DAB1: variants seen among roughly 807,000 people sequenced by gnomAD.
The protein encoded by DAB1 is DAB adaptor protein 1, also known as disabled homolog 1.
A neutral mutation model predicts 64.6 loss-of-function variants in DAB1; 15 were observed. The observed-to-expected ratio is 0.23, with a 90% CI of 0.16 to 0.36. DAB1 has a LOEUF of 0.36. DAB1 is among the 10% of genes least tolerant of loss of function. The pLI is 1.00. For synonymous variants in DAB1, 235 were observed against 251.9 expected (o/e 0.93, Z 0.64); for missense variants, 596 against 706.7 (o/e 0.84, Z 1.78).
At chr1:57,439,608 T>G in intron 7 of DAB1, among the ~76,000 whole-genome samples, 1 of 129,092 alleles carries the variant, frequency 7.7e-6, no homozygotes, top group Non-Finnish European at 1.6e-5. Flanking sequence ...TTTTGTATTT[T>G]TAGTAGAGAC....
chr1:58,521,868 C>G (rs1264204315), intron 2 of DAB1, among the ~76,000 whole-genome samples: 1 of 152,134 alleles, frequency 6.6e-6, no homozygotes, highest in Non-Finnish European at 1.5e-5. Context: ...AAAAACTCTT[C>G]TGGAGAAGAG....
intron 11 of DAB1, among the ~76,000 whole-genome samples, chr1:57,016,571 A>G (rs914316708): frequency 1.3e-5 from 2 of 151,910 alleles, no homozygotes; most frequent in East Asian, 1.9e-4. Flanking sequence ...AGCCTGGGTA[A>G]TAGAGTGAGA....
chr1:57,886,252 G>A (rs888284038), upstream of DAB1, among the ~76,000 whole-genome samples: 5 of 148,316 alleles, frequency 3.4e-5, no homozygotes, highest in African/African-American at 1.0e-4. Flanking sequence ...TCCGCCTCCC[G>A]GCTTCAAGCA....
chr1:57,729,641 G>T lies in DAB1; in HGVS notation n.552-79976C>A, dbSNP rs1330512122. On this transcript the variant is annotated intron_variant and non_coding_transcript_variant, in intron 6 of 20. Coordinates refer to the DAB1 transcript ENST00000485760. ...GTGGCTCTCCAGAAGACAGAGAATGGCATGCTGGCAGGCAGGGGACAAGTA... is the reference window on the plus strand; with the variant it reads ...GTGGCTCTCCAGAAGACAGAGAATGTCATGCTGGCAGGCAGGGGACAAGTA... Among the ~76,000 whole-genome samples the T allele has an allele frequency of 2.0e-5, 3 of 152,348 alleles. No homozygotes were observed. In the East Asian group the frequency reaches 5.8e-4, roughly 29 times the overall value.
intron 2 of DAB1, among the ~76,000 whole-genome samples, chr1:57,237,022 T>A (rs1177378587): frequency 1.3e-5 from 2 of 152,380 alleles, no homozygotes; most frequent in Non-Finnish European, 2.9e-5. Flanking sequence ...GTGCTACTAC[T>A]GCTGTAGCTG....
At chr1:58,230,945 C>T (rs1361394870) in intron 4 of DAB1, among the ~76,000 whole-genome samples, 1 of 152,202 alleles carries the variant, frequency 6.6e-6, no homozygotes, top group African/African-American at 2.4e-5. Context: ...TGAATTGCAC[C>T]TCTGCCTCTT....
At chr1:58,450,018 G>A (rs964713632) in intron 3 of DAB1, among the ~76,000 whole-genome samples, 3 of 152,200 alleles carry the variant, frequency 2.0e-5, no homozygotes, top group East Asian at 3.8e-4. Flanking sequence ...ATATGTGAAT[G>A]AGTGAATGGG....
At chr1:58,057,958 A>T (rs1297059889) in intron 5 of DAB1, among the ~76,000 whole-genome samples, 1 of 147,828 alleles carries the variant, frequency 6.8e-6, no homozygotes, top group Admixed American at 6.9e-5. Flanking sequence ...TGACCATCCA[A>T]GTCTAGCTTA....
At chr1:58,241,403 C>G (rs935797590) in intron 4 of DAB1, among the ~76,000 whole-genome samples, 1 of 152,030 alleles carries the variant, frequency 6.6e-6, no homozygotes, top group African/African-American at 2.4e-5. Flanking sequence ...ACCATTTATT[C>G]TGTACCTAAA....
chr1:58,477,337 C>A (rs577718578), intron 3 of DAB1, among the ~76,000 whole-genome samples: 75 of 152,314 alleles, frequency 4.9e-4, no homozygotes, highest in African/African-American at 1.8e-3. Flanking sequence ...GATTAAATGT[C>A]ATTTCAGATA....
intron 5 of DAB1, among the ~76,000 whole-genome samples, chr1:58,113,703 G>C (rs1652128384): frequency 6.6e-6 from 1 of 152,116 alleles, no homozygotes; most frequent in Admixed American, 6.6e-5. Context: ...TCAAATAGGG[G>C]CAGATTTGAT....
chr1:58,222,024 T>G (rs933838964), intron 4 of DAB1, among the ~76,000 whole-genome samples: 6 of 152,198 alleles, frequency 3.9e-5, no homozygotes, highest in Admixed American at 3.3e-4. Flanking sequence ...AACCAAGTAT[T>G]TAATCCATTA....
chr1:57,122,374 T>C (rs541256644), intron 4 of DAB1, among the ~76,000 whole-genome samples: 52 of 152,196 alleles, frequency 3.4e-4, no homozygotes, highest in Non-Finnish European at 6.8e-4. Context: ...TTCAAGGTGC[T>C]GATGGGAGCT....
chr1:57,990,418 A>T (rs575239325), intron 5 of DAB1, among the ~76,000 whole-genome samples: 157 of 152,288 alleles, frequency 1.0e-3, no homozygotes, highest in African/African-American at 3.6e-3. Context: ...ACATACCAAC[A>T]TCCATTTGTT....
intron 4 of DAB1, among the ~76,000 whole-genome samples, chr1:58,179,216 A>T (rs1161961034): frequency 6.6e-6 from 1 of 151,786 alleles, no homozygotes; most frequent in South Asian, 2.1e-4. Flanking sequence ...CTTTATCTAT[A>T]TGTTTCTGAA....
chr1:57,047,680 C>T (rs778296968), intron 9 of DAB1, among the ~76,000 whole-genome samples: 1 of 152,166 alleles, frequency 6.6e-6, no homozygotes, highest in Non-Finnish European at 1.5e-5. Context: ...TAAACCACCT[C>T]GTCTGTGGTA....
At chr1:58,369,018 A>G (rs750138439) in intron 3 of DAB1, among the ~76,000 whole-genome samples, 16 of 152,176 alleles carry the variant, frequency 1.1e-4, no homozygotes, top group Admixed American at 2.0e-4. Context: ...GTCTCAAAAA[A>G]AAAGTAGCCT....
intron 7 of DAB1, among the ~76,000 whole-genome samples, chr1:57,565,030 C>T (rs1049136475): frequency 5.9e-5 from 9 of 152,132 alleles, no homozygotes; most frequent in East Asian, 1.9e-4. Context: ...AGAGAAAGGT[C>T]GGGTTACCCA....
chr1:58,052,525 C>T (rs1323747972), intron 5 of DAB1, among the ~76,000 whole-genome samples: 1 of 152,088 alleles, frequency 6.6e-6, no homozygotes, highest in African/African-American at 2.4e-5. Flanking sequence ...CTTGGCAATG[C>T]AGGCTCTTTT....
Sources: allele counts gnomAD v4.1 joint callset (sites outside exome capture counted in the v4.1 genomes callset), GRCh38; gene constraint gnomAD v4.1.1; transcripts MANE v1.5; gene names NCBI Gene and HGNC (gene_info 2026-07-23, HGNC 2026-07-21).